E2F3: variants seen among roughly 807,000 people sequenced by gnomAD.
E2F3 encodes the protein transcription factor E2F3.
In E2F3, 11 loss-of-function variants were observed where a neutral mutation model predicts 44.4. The ratio of observed to expected loss-of-function variants is 0.25; its 90% CI spans 0.16 to 0.41. The LOEUF (loss-of-function observed/expected upper bound fraction) is 0.41. Among genes scored for constraint, E2F3 ranks in the 10% least tolerant of loss-of-function variants. E2F3 has a pLI of 1.00. For synonymous variants in E2F3, 249 were observed against 253.0 expected (o/e 0.98, Z 0.15); for missense variants, 487 against 583.6 (o/e 0.83, Z 1.70).
At chr6:20,436,880 G>GAC (rs924729770) in intron 1 of E2F3, among the ~76,000 whole-genome samples, 12 of 152,332 alleles carry the variant, frequency 7.9e-5, no homozygotes, top group African/African-American at 2.9e-4. Flanking sequence ...AGTGCTGTGG[G>GAC]AGGCTGAGGT....
intron 1 of E2F3, among the ~76,000 whole-genome samples, chr6:20,447,672 C>T (rs1169105735): frequency 1.3e-5 from 2 of 152,018 alleles, no homozygotes; most frequent in Non-Finnish European, 2.9e-5. Context: ...AGTCAAAAAT[C>T]TAAGGGAATA....
chr6:20,429,718 T>G (rs971479305), intron 1 of E2F3, among the ~76,000 whole-genome samples: 4 of 148,720 alleles, frequency 2.7e-5, no homozygotes, highest in African/African-American at 9.9e-5. Context: ...TTCTTGTGTG[T>G]TTTTTTTTTC....
intron 1 of E2F3, among the ~76,000 whole-genome samples, chr6:20,420,136 C>T (rs916141511): frequency 6.6e-6 from 1 of 152,160 alleles, no homozygotes; most frequent in South Asian, 2.1e-4. Flanking sequence ...CCACCACCAC[C>T]GCTACTATTA....
At chr6:20,429,533 G>C (rs369950385) in intron 1 of E2F3, among the ~76,000 whole-genome samples, 25 of 152,224 alleles carry the variant, frequency 1.6e-4, no homozygotes, top group African/African-American at 5.3e-4. Context: ...CCTGCAGTAG[G>C]GGTCTTGGAA....
At chr6:20,442,310 G>T (rs1760805159) in intron 1 of E2F3, among the ~76,000 whole-genome samples, 1 of 152,080 alleles carries the variant, frequency 6.6e-6, no homozygotes, top group African/African-American at 2.4e-5. Context: ...CATTCTCCTG[G>T]TAACCGTCTT....
At chr6:20,403,775 C>G in intron 1 of E2F3, 1 of 1,499,436 alleles carries the variant, frequency 6.7e-7, no homozygotes, top group Non-Finnish European at 8.9e-7. Context: ...CCTCTCCAGC[C>G]GGCCCCCCAC....
chr6:20,423,990 G>A (rs1387414461), intron 1 of E2F3, among the ~76,000 whole-genome samples: 8 of 150,176 alleles, frequency 5.3e-5, no homozygotes, highest in African/African-American at 2.0e-4. Flanking sequence ...GGCTGGTCTC[G>A]AACTCCTGAC....
At chr6:20,426,504 G>A (rs142058532) in intron 1 of E2F3, among the ~76,000 whole-genome samples, 117 of 151,534 alleles carry the variant, frequency 7.7e-4, no homozygotes, top group African/African-American at 2.7e-3. Context: ...AGCACTTGCC[G>A]CCCCAATCTT....
chr6:20,486,594 T>C (rs1164850515), intron 4 of E2F3, 95 bp from the exon 5 acceptor site: 1 of 737,906 alleles, frequency 1.4e-6, no homozygotes, highest in East Asian at 2.7e-5. Context: ...TTCTAAGTCA[T>C]AAAATACTTT....
chr6:20,416,391 C>G (rs1478670419), intron 1 of E2F3, among the ~76,000 whole-genome samples: 1 of 152,198 alleles, frequency 6.6e-6, no homozygotes, highest in East Asian at 1.9e-4. Flanking sequence ...ACCAGGAATA[C>G]AGCAGTGTCA....
chr6:20,426,211 T>C (rs963587203), intron 1 of E2F3, among the ~76,000 whole-genome samples: 1 of 152,212 alleles, frequency 6.6e-6, no homozygotes, highest in African/African-American at 2.4e-5. Flanking sequence ...GGGGATCAAG[T>C]TTGTTTTCAT....
At chr6:20,420,673 A>T (rs1003548078) in intron 1 of E2F3, among the ~76,000 whole-genome samples, 2 of 152,232 alleles carry the variant, frequency 1.3e-5, no homozygotes, top group Non-Finnish European at 2.9e-5. Flanking sequence ...CTATATTGCT[A>T]CAAAATGCCA....
At chr6:20,435,197 C>A (rs1760534020) in intron 1 of E2F3, among the ~76,000 whole-genome samples, 1 of 152,174 alleles carries the variant, frequency 6.6e-6, no homozygotes, top group Non-Finnish European at 1.5e-5. Flanking sequence ...CCCCAAGTCT[C>A]CAACTCCTGG....
intron 1 of E2F3, among the ~76,000 whole-genome samples, chr6:20,449,822 C>T (rs182622679): frequency 2.5e-4 from 38 of 152,258 alleles, no homozygotes; most frequent in African/African-American, 9.1e-4. Context: ...CTTTATGTGT[C>T]CATATGTTCT....
intron 1 of E2F3, among the ~76,000 whole-genome samples, chr6:20,435,034 G>T (rs1336221445): frequency 6.6e-6 from 1 of 152,232 alleles, no homozygotes; most frequent in South Asian, 2.1e-4. Flanking sequence ...CTGTAAATGG[G>T]TGTGGTCCTG....
At chr6:20,410,350 G>A (rs905470753) in intron 1 of E2F3, among the ~76,000 whole-genome samples, 1 of 152,234 alleles carries the variant, frequency 6.6e-6, no homozygotes, top group Non-Finnish European at 1.5e-5. Context: ...TGGAGCCAGA[G>A]TGCCTGTGTT....
At chr6:20,464,361 G>C (rs1357241381) in intron 1 of E2F3, among the ~76,000 whole-genome samples, 1 of 152,184 alleles carries the variant, frequency 6.6e-6, no homozygotes, top group Non-Finnish European at 1.5e-5. Flanking sequence ...TCAGGCCTAA[G>C]GGGGAGGTTA....
intron 1 of E2F3, among the ~76,000 whole-genome samples, chr6:20,424,633 TAC>T (rs1760151454): frequency 5.3e-5 from 8 of 152,306 alleles, no homozygotes; most frequent in Non-Finnish European, 8.8e-5. Context: ...TGTTCATGCT[TAC>T]TTGCATTTTT....
intron 1 of E2F3, among the ~76,000 whole-genome samples, chr6:20,412,822 G>C (rs1759719218): frequency 6.6e-6 from 1 of 152,158 alleles, no homozygotes; most frequent in African/African-American, 2.4e-5. Flanking sequence ...AAATTGCGCA[G>C]GCCAAACAAA....
Sources: allele counts gnomAD v4.1 joint callset (sites outside exome capture counted in the v4.1 genomes callset), GRCh38; gene constraint gnomAD v4.1.1; transcripts MANE v1.5; gene names NCBI Gene and HGNC (gene_info 2026-07-23, HGNC 2026-07-21).